Variants in FANCC observed in about 807,000 individuals in gnomAD.
FANCC encodes FA complementation group C, also known as Fanconi anemia group C protein.
Under a neutral mutation model 71.3 loss-of-function variants are expected in FANCC, and 55 were observed. The observed-to-expected ratio is 0.77, with a 90% CI of 0.62 to 0.97. The LOEUF (loss-of-function observed/expected upper bound fraction) is 0.97, where lower values mean the gene tolerates loss of function less well. Ranked by LOEUF, FANCC falls within the 50% of genes least tolerant of loss-of-function variation. The pLI is 0.00. For synonymous variants in FANCC, 275 were observed against 244.9 expected (o/e 1.12, Z -1.15); for missense variants, 678 against 670.9 (o/e 1.01, Z -0.12).
At position 95,249,266 on chromosome 9, in the gene FANCC, G is replaced by A. The variant is rs767124692; in HGVS notation, c.26C>T (p.Ser9Phe). The change falls in exon 2 of 15, where the codon TCT becomes TTT. Residue 9 changes from serine to phenylalanine, a missense_variant. Physicochemically the swap from Ser to Phe is radical, Grantham distance 155. Coordinates refer to ENST00000289081, the MANE Select transcript of FANCC (RefSeq NM_000136.3). MAQDSVDL[S>F]CDYQFWMQKL... ...CTGCATCCAAAACTGATAATCACAA[G>A]AAAGATCTACTGAATCTTGAGCCAT... 3 of 1,614,102 alleles carry A rather than the reference G, an allele frequency of 1.9e-6. No individual in the cohort carries two copies. In the South Asian group the frequency reaches 3.3e-5, roughly 18 times the overall value.
intron 1 of FANCC, among the ~76,000 whole-genome samples, chr9:95,303,732 A>G (rs566797910): frequency 1.1e-4 from 17 of 152,276 alleles, no homozygotes; most frequent in Non-Finnish European, 2.2e-4. Flanking sequence ...CCCCACCGGT[A>G]TGACTTCCTA....
intron 1 of FANCC, among the ~76,000 whole-genome samples, chr9:95,300,359 A>G (rs950334039): frequency 2.2e-4 from 33 of 152,224 alleles, no homozygotes; most frequent in Admixed American, 1.8e-3. Flanking sequence ...TTAAGCCAAA[A>G]ATAATAAAAA....
intron 4 of FANCC, among the ~76,000 whole-genome samples, chr9:95,204,412 G>A (rs552895039): frequency 6.6e-5 from 10 of 152,298 alleles, no homozygotes; most frequent in African/African-American, 2.4e-4. Flanking sequence ...ATAGAAATCT[G>A]CTAAACTTCC....
chr9:95,145,582 A>T (rs1829420817), intron 7 of FANCC: 1 of 152,252 alleles, frequency 6.6e-6, no homozygotes, highest in Non-Finnish European at 1.5e-5. Flanking sequence ...AAAACAAACT[A>T]ATAACAACCC....
At chr9:95,257,199 C>T (rs994282155) in intron 1 of FANCC, among the ~76,000 whole-genome samples, 1 of 152,226 alleles carries the variant, frequency 6.6e-6, no homozygotes, top group African/African-American at 2.4e-5. Flanking sequence ...TAGACATCTA[C>T]AGAACTCTCC....
chr9:95,111,724 G>T, intron 12 of FANCC, 87 bp from the exon 13 acceptor site: 1 of 1,522,066 alleles, frequency 6.6e-7, no homozygotes, highest in Non-Finnish European at 9.1e-7. Context: ...TTTGCCAACG[G>T]TTGGCTTAAA....
At chr9:95,111,706 CT>C in intron 12 of FANCC, 69 bp from the exon 13 acceptor site, 1 of 1,590,828 alleles carries the variant, frequency 6.3e-7, no homozygotes, top group Non-Finnish European at 8.6e-7. Flanking sequence ...TTTAAAGCAA[CT>C]TTAACGTTTG....
intron 2 of FANCC, among the ~76,000 whole-genome samples, chr9:95,248,651 A>C (rs1831144469): frequency 6.6e-6 from 1 of 151,960 alleles, no homozygotes; most frequent in African/African-American, 2.4e-5. Context: ...AAATGAAAAT[A>C]TATTAAATTT....
intron 1 of FANCC, among the ~76,000 whole-genome samples, chr9:95,270,173 G>A (rs558443125): frequency 3.3e-5 from 5 of 152,090 alleles, no homozygotes; most frequent in Middle Eastern, 3.4e-3. Context: ...GATCTCTCTC[G>A]CTTTTCCCCA....
At chr9:95,293,460 C>T in intron 1 of FANCC, 1 of 1,571,012 alleles carries the variant, frequency 6.4e-7, no homozygotes, top group Middle Eastern at 1.8e-4. Context: ...AATTGCTGAT[C>T]CTGTTGCTGT....
At chr9:95,105,378 T>G (rs948282382) in intron 14 of FANCC, among the ~76,000 whole-genome samples, 16 of 152,294 alleles carry the variant, frequency 1.1e-4, no homozygotes, top group Middle Eastern at 3.4e-3. Context: ...TGCACAGGTG[T>G]TGTTGGTTTG....
At chr9:95,270,663 GA>G (rs1174712541) in intron 1 of FANCC, among the ~76,000 whole-genome samples, 1 of 152,220 alleles carries the variant, frequency 6.6e-6, no homozygotes, top group Non-Finnish European at 1.5e-5. Flanking sequence ...TGCTGAAAAA[GA>G]ATGAGGTGAT....
At chr9:95,189,617 T>C (rs1826958580) in intron 4 of FANCC, among the ~76,000 whole-genome samples, 1 of 152,162 alleles carries the variant, frequency 6.6e-6, no homozygotes, top group South Asian at 2.1e-4. Context: ...TTAAACCGTA[T>C]CTATAAGAAT....
chr9:95,240,946 C>T (rs1830595021), intron 3 of FANCC, among the ~76,000 whole-genome samples: 1 of 152,204 alleles, frequency 6.6e-6, no homozygotes, highest in South Asian at 2.1e-4. Flanking sequence ...TCTATCTTTG[C>T]TCTCCTAGCT....
chr9:95,111,863 G>A (rs1048613780), intron 12 of FANCC, among the ~76,000 whole-genome samples: 1 of 152,190 alleles, frequency 6.6e-6, no homozygotes, highest in Non-Finnish European at 1.5e-5. Flanking sequence ...GAGGCCTGAG[G>A]CCTTTGGACA....
intron 6 of FANCC, among the ~76,000 whole-genome samples, 185 bp from the exon 7 acceptor site, chr9:95,150,272 A>G (rs1830105620): frequency 6.6e-6 from 1 of 152,202 alleles, no homozygotes; most frequent in Non-Finnish European, 1.5e-5. Context: ...GAAATCTTTT[A>G]GCTACCATTG....
chr9:95,163,551 T>G (rs1830877527), intron 6 of FANCC, among the ~76,000 whole-genome samples: 2 of 152,124 alleles, frequency 1.3e-5, no homozygotes, highest in East Asian at 3.9e-4. Context: ...GTACGGGCAT[T>G]TAAAATACTA....
At chr9:95,261,583 G>A (rs1832051179) in intron 1 of FANCC, among the ~76,000 whole-genome samples, 1 of 152,160 alleles carries the variant, frequency 6.6e-6, no homozygotes, top group South Asian at 2.1e-4. Context: ...TCCATTTCTT[G>A]CATAATGTAT....
At chr9:95,170,207 T>G (rs985793207) in intron 6 of FANCC, among the ~76,000 whole-genome samples, 3 of 152,148 alleles carry the variant, frequency 2.0e-5, no homozygotes, top group Non-Finnish European at 4.4e-5. Flanking sequence ...ACCTGACATG[T>G]AAATAAATAA....
Sources: allele counts gnomAD v4.1 joint callset (sites outside exome capture counted in the v4.1 genomes callset), GRCh38; gene constraint gnomAD v4.1.1; transcripts MANE v1.5; gene names NCBI Gene and HGNC (gene_info 2026-07-23, HGNC 2026-07-21).